The following COL4A5 variants were observed in gnomAD, a reference collection of about 807,000 sequenced individuals.
COL4A5 encodes collagen type IV alpha 5 chain, also known as collagen alpha-5(IV) chain.
Under a neutral mutation model 130.2 loss-of-function variants are expected in COL4A5, and 26 were observed. The observed-to-expected ratio is 0.20, with a 90% CI of 0.15 to 0.28. COL4A5 has a LOEUF of 0.28. Ranked by LOEUF, COL4A5 falls within the 10% of genes least tolerant of loss-of-function variation. The pLI is 1.00. For synonymous variants in COL4A5, 496 were observed against 439.6 expected, an observed-to-expected ratio of 1.13 and a Z score of -1.60; for missense variants, 1,131 against 1,344.3, an observed-to-expected ratio of 0.84 and a Z score of 2.48.
chrX:108,514,236 G>T (rs1296369246), intron 1 of COL4A5, among the ~76,000 whole-genome samples: 1 of 112,103 alleles, frequency 8.9e-6, no homozygotes, highest in Non-Finnish European at 1.9e-5. Context: ...TATAATCAAT[G>T]CCTTCATCTT....
chrX:108,512,522 AT>A (rs200458151), intron 1 of COL4A5, among the ~76,000 whole-genome samples: 8 of 110,366 alleles, frequency 7.2e-5, no homozygotes, highest in East Asian at 2.8e-4. Context: ...ATGAAGATTT[AT>A]TTTTTTTTAA....
chrX:108,638,251 G>A (rs2067391230), intron 36 of COL4A5, among the ~76,000 whole-genome samples: 1 of 111,141 alleles, frequency 9.0e-6, no homozygotes, highest in Non-Finnish European at 1.9e-5. Context: ...TTCCTGGGAT[G>A]CAAGGATAGT....
At chrX:108,615,052 T>A in intron 30 of COL4A5, 28 bp downstream of exon 30, 1 of 995,333 alleles carries the variant, frequency 1.0e-6, no homozygotes, top group Non-Finnish European at 1.4e-6. Context: ...GTGCATTTTG[T>A]AGCACTCATA....
At chrX:108,582,065 G>T (rs949299981) in intron 16 of COL4A5, among the ~76,000 whole-genome samples, 1 of 111,012 alleles carries the variant, frequency 9.0e-6, no homozygotes, top group Non-Finnish European at 1.9e-5. Flanking sequence ...GATGAAATTT[G>T]TAAGTTATTC....
At chrX:108,655,265 G>C (rs2067815320) in intron 36 of COL4A5, 66 bp from the exon 37 acceptor site, 1 of 1,142,660 alleles carries the variant, frequency 8.8e-7, no homozygotes, top group Non-Finnish European at 1.2e-6. Flanking sequence ...TATAAATAAT[G>C]TTATGTTCTT....
At chrX:108,568,607 A>G (rs777913560) in intron 4 of COL4A5, 22 bp from the exon 5 acceptor site, 6 of 1,107,179 alleles carry the variant, frequency 5.4e-6, no homozygotes, top group Admixed American at 2.2e-5. Context: ...ATTTAGTTTA[A>G]GGATTTTATT....
intron 1 of COL4A5, among the ~76,000 whole-genome samples, chrX:108,450,863 A>C (rs909675824): frequency 9.1e-6 from 1 of 109,855 alleles, no homozygotes; most frequent in African/African-American, 3.3e-5. Context: ...TTTTATTATT[A>C]TTATACTTTA....
intron 30 of COL4A5, 58 bp downstream of exon 30, chrX:108,615,082 C>G (rs1012839436): frequency 7.1e-6 from 6 of 844,096 alleles, no homozygotes; most frequent in Non-Finnish European, 1.1e-5. Context: ...TTTGTTAGCT[C>G]ATCAATAAAG....
chrX:108,595,448 A>G, intron 21 of COL4A5, 61 bp from the exon 22 acceptor site: 1 of 1,005,887 alleles, frequency 9.9e-7, no homozygotes, highest in Non-Finnish European at 1.4e-6. Flanking sequence ...TTTAGAACCT[A>G]TCTATAGAAG....
At chrX:108,633,781 TGTAAA>T (rs766501781) in intron 36 of COL4A5, among the ~76,000 whole-genome samples, 2 of 111,760 alleles carry the variant, frequency 1.8e-5, no homozygotes, top group African/African-American at 3.2e-5. Context: ...GTGGAAATAA[TGTAAA>T]GTAGTCTGTT....
chrX:108,505,267 A>G (rs948591475), intron 1 of COL4A5, among the ~76,000 whole-genome samples: 3 of 109,588 alleles, frequency 2.7e-5, no homozygotes, highest in African/African-American at 1.0e-4. Flanking sequence ...AAAAAAAACT[A>G]CATACTCAGT....
intron 36 of COL4A5, among the ~76,000 whole-genome samples, chrX:108,628,255 C>T (rs2067189797): frequency 9.0e-6 from 1 of 110,962 alleles, no homozygotes; most frequent in Non-Finnish European, 1.9e-5. Flanking sequence ...ACATACATAT[C>T]TTAAGAATCT....
At chrX:108,670,103 T>C in intron 41 of COL4A5, 125 bp from the exon 42 acceptor site, 1 of 758,927 alleles carries the variant, frequency 1.3e-6, no homozygotes, top group Non-Finnish European at 1.9e-6. Flanking sequence ...TTTATTGAAA[T>C]GAATTTTAAC....
intron 8 of COL4A5, among the ~76,000 whole-genome samples, chrX:108,572,561 C>T (rs1254811581): frequency 1.8e-5 from 2 of 111,611 alleles, no homozygotes; most frequent in Non-Finnish European, 3.8e-5. Context: ...CATCACTAAA[C>T]ACTAAGTGTG....
intron 1 of COL4A5, among the ~76,000 whole-genome samples, chrX:108,532,655 A>G (rs1359219489): frequency 7.2e-5 from 8 of 111,301 alleles, no homozygotes; most frequent in Non-Finnish European, 1.1e-4. Context: ...CTTTACCGAT[A>G]TATCTATCTA....
intron 1 of COL4A5, among the ~76,000 whole-genome samples, chrX:108,524,696 A>G (rs1221780047): frequency 9.1e-6 from 1 of 110,020 alleles, no homozygotes; most frequent in African/African-American, 3.3e-5. Flanking sequence ...GTGTGGTTTT[A>G]TTTTCACTCA....
intron 1 of COL4A5, among the ~76,000 whole-genome samples, chrX:108,510,363 A>T (rs750979714): frequency 8.9e-6 from 1 of 111,767 alleles, no homozygotes; most frequent in African/African-American, 3.2e-5. Flanking sequence ...AAATTAACAC[A>T]CATAAAACCT....
chrX:108,472,605 G>A (rs772581520), intron 1 of COL4A5, among the ~76,000 whole-genome samples: 1 of 111,580 alleles, frequency 9.0e-6, no homozygotes, highest in African/African-American at 3.2e-5. Context: ...GTGACTTAAA[G>A]CCTAATTTGT....
chrX:108,539,757 G>A lies in COL4A5; in HGVS notation c.93G>A (p.Gly31=). 8.3e-7 allele frequency: 1 copy of A among 1,208,835 alleles called. No homozygotes were observed. Among genetic ancestry groups the A allele is most frequent in the South Asian group, 1.8e-5 (1 of 56,856 alleles). The change falls in exon 2 of 53, where the codon GGG becomes GGA. Residue 31 remains glycine, a synonymous_variant. Transcript: ENST00000328300. Reference sequence around the variant, plus strand: ...TCTCTTCCTTATAGGCTTGCTATGGGTGTTCTCCAGGATCAAAGTGTGACT... The same window carrying A: ...TCTCTTCCTTATAGGCTTGCTATGGATGTTCTCCAGGATCAAAGTGTGACT... The part of the protein sequence containing the change: ...GQPAEAAACY[G]CSPGSKCDCS...
Sources: gnomAD v4.1 joint callset for allele counts (sites outside exome capture counted in the v4.1 genomes callset) on GRCh38, gnomAD v4.1.1 for gene constraint, MANE v1.5 for transcripts, NCBI Gene and HGNC (gene_info 2026-07-23, HGNC 2026-07-21) for gene names.